RPF1: variants seen among roughly 807,000 people sequenced by gnomAD.
RPF1 encodes ribosome production factor 1 homolog, also known as ribosome production factor 1.
Under a neutral mutation model 41.9 loss-of-function variants are expected in RPF1, and 34 were observed. The observed-to-expected ratio is 0.81, with a 90% CI of 0.62 to 1.08. The LOEUF (loss-of-function observed/expected upper bound fraction) is 1.08. RPF1 is among the 50% of genes least tolerant of loss of function. The pLI, the probability that RPF1 is intolerant of heterozygous loss-of-function variation, is 0.00. For synonymous variants in RPF1, 140 were observed against 148.9 expected (o/e 0.94, Z 0.43); for missense variants, 425 against 435.2 (o/e 0.98, Z 0.21).
At chr1:84,481,815 A>G (rs1032348499) in intron 2 of RPF1, among the ~76,000 whole-genome samples, 8 of 152,222 alleles carry the variant, frequency 5.3e-5, no homozygotes, top group African/African-American at 1.9e-4. Flanking sequence ...TCCGCCTCCC[A>G]TTCAAGTAAG....
intron 5 of RPF1, 118 bp from the exon 6 acceptor site, chr1:84,495,255 A>C (rs1308177611): frequency 6.3e-6 from 4 of 636,768 alleles, no homozygotes; most frequent in East Asian, 5.8e-5. Flanking sequence ...GAATATGTAC[A>C]TCTGCCTATT....
intron 3 of RPF1, 111 bp downstream of exon 3, chr1:84,483,106 T>G (rs527869998): frequency 1.6e-6 from 1 of 621,602 alleles, no homozygotes; most frequent in Admixed American, 2.5e-5. Context: ...AATGGACTGA[T>G]TCAGCTAAAA....
Position 84,479,299 on chromosome 1 carries a change from T to G in RPF1, c.18T>G (p.Asp6Glu). 1 of 1,604,612 alleles carries G rather than the reference T, an allele frequency of 6.2e-7. No individual in the cohort carries two copies. Among genetic ancestry groups the G allele is most frequent in the Non-Finnish European group, 8.5e-7 (1 of 1,175,502 alleles). ...CCAAGACCATGGCGAAAGCCGGGGA[T>G]AAGAGCAGCAGCAGCGGGAAGAAAA... The part of the protein sequence containing the change: MAKAG[D>E]KSSSSGKKSL... The change falls in exon 1 of 9, where the codon GAT becomes GAG. Residue 6 changes from aspartate (D) to glutamate (E), a missense_variant. By Grantham distance (45) the Asp-to-Glu change is conservative. Coordinates refer to ENST00000370654, the MANE Select transcript of RPF1 (RefSeq NM_025065.7).
intron 5 of RPF1, among the ~76,000 whole-genome samples, chr1:84,494,828 CTAAG>C (rs1028087574): frequency 5.9e-5 from 9 of 152,184 alleles, no homozygotes; most frequent in Middle Eastern, 3.4e-3. Context: ...TACAGTAATC[CTAAG>C]TAAGGGGTGA....
At chr1:84,487,408 C>T (rs1681755377) in intron 3 of RPF1, among the ~76,000 whole-genome samples, 1 of 152,076 alleles carries the variant, frequency 6.6e-6, no homozygotes, top group South Asian at 2.1e-4. Flanking sequence ...AAGTTGTTTT[C>T]TTTAGAGATA....
At chr1:84,489,560 G>C in intron 3 of RPF1, 73 bp from the exon 4 acceptor site, 1 of 826,594 alleles carries the variant, frequency 1.2e-6, no homozygotes. Context: ...CAGTCCTGCT[G>C]ATGCTACTTT....
In RPF1 at chr1:84,497,531, A is replaced by G. The variant is rs1681964200; in HGVS notation, c.*61A>G. 8.0e-7 allele frequency: 1 copy of G among 1,255,480 alleles called. No individual in the cohort carries two copies. The allele number at this position is 1,255,480 out of a possible 1,614,324, so 77.8% of individuals were successfully genotyped here. ...GGCCTATCTTGAACTTTGGTAAATT[A>G]TTTTTGACAGAATACTCTTTTCAAA... On this transcript the variant is annotated 3_prime_UTR_variant, in exon 9 of 9. Coordinates refer to ENST00000370654, the MANE Select transcript of RPF1 (RefSeq NM_025065.7).
chr1:84,493,332 C>CAAAAAA (rs376130673), intron 5 of RPF1, among the ~76,000 whole-genome samples: 1 of 104,102 alleles, frequency 9.6e-6, no homozygotes, highest in East Asian at 3.0e-4. Flanking sequence ...GCACTACTAT[C>CAAAAAA]AAAAAAAAAA....
chr1:84,495,964 G>T lies in RPF1; in HGVS notation c.782G>T (p.Arg261Leu). 1 of 1,609,182 alleles carries T rather than the reference G, an allele frequency of 6.2e-7. No homozygotes were observed. Among genetic ancestry groups the T allele is most frequent in the East Asian group, 2.2e-5 (1 of 44,838 alleles). Residue 261 changes from arginine (R) to leucine (L), a missense_variant, in exon 7 of 9, where the codon CGT becomes CTT. Physicochemically the swap from Arg to Leu is moderately radical, Grantham distance 102. Transcript: ENST00000370654. Reference protein sequence around the residue: ...FTTRLGHSIGRMFASLFPHNP... With the variant: ...FTTRLGHSIGLMFASLFPHNP... ...ACACGGCTGGGTCATTCAATTGGAC[G>T]TATGTTTGCATCTCTCTTTCCTCAT...
intron 4 of RPF1, 84 bp downstream of exon 4, chr1:84,489,812 C>A: frequency 2.6e-6 from 2 of 769,036 alleles, no homozygotes. Flanking sequence ...AAGAGTTAAA[C>A]CATTAGTTAA....
chr1:84,479,559 T>C, intron 1 of RPF1, 50 bp downstream of exon 1: 1 of 1,561,684 alleles, frequency 6.4e-7, no homozygotes, highest in African/African-American at 1.4e-5. Flanking sequence ...TTCCTGACGC[T>C]TAGGGCGGTC....
intron 3 of RPF1, among the ~76,000 whole-genome samples, chr1:84,489,114 T>C (rs1343823753): frequency 1.3e-5 from 2 of 152,192 alleles, no homozygotes; most frequent in East Asian, 3.8e-4. Context: ...TCTGTATTTA[T>C]TGATTTGCTC....
At chr1:84,491,324 A>G (rs1681831824) in intron 5 of RPF1, among the ~76,000 whole-genome samples, 1 of 152,208 alleles carries the variant, frequency 6.6e-6, no homozygotes, top group African/African-American at 2.4e-5. Context: ...TTAAAATAAA[A>G]TTATAAAGAA....
At chr1:84,491,873 T>G (rs1215987456) in intron 5 of RPF1, among the ~76,000 whole-genome samples, 1 of 152,182 alleles carries the variant, frequency 6.6e-6, no homozygotes, top group Non-Finnish European at 1.5e-5. Context: ...AAAGTTTACA[T>G]TTTCTGGCCG....
chr1:84,494,755 C>T (rs2101887572), intron 5 of RPF1, among the ~76,000 whole-genome samples: 1 of 152,292 alleles, frequency 6.6e-6, no homozygotes, highest in East Asian at 1.9e-4. Context: ...GCATAATTCT[C>T]AGTTCATGGG....
intron 3 of RPF1, among the ~76,000 whole-genome samples, chr1:84,485,608 T>C (rs1681722833): frequency 6.6e-6 from 1 of 152,198 alleles, no homozygotes; most frequent in African/African-American, 2.4e-5. Flanking sequence ...TTATGTTAAG[T>C]CCTTTTTCAG....
chr1:84,490,476 T>C lies in RPF1; in HGVS notation c.616+4T>C. 1 of 1,555,130 alleles carries C rather than the reference T, an allele frequency of 6.4e-7. No individual in the cohort carries two copies. Among genetic ancestry groups the C allele is most frequent in the Admixed American group, 2.0e-5 (1 of 49,536 alleles). ...AATGAAGATCGTAAAACCCCAAGTA[T>C]CCTTTTTTTTTTTAAGGAGGTTTTC... is the stretch of plus-strand genomic sequence containing the variant. On this transcript the variant is annotated splice_donor_region_variant and intron_variant, in intron 5 of 8. Coordinates refer to ENST00000370654, the MANE Select transcript of RPF1 (RefSeq NM_025065.7).
intron 2 of RPF1, among the ~76,000 whole-genome samples, chr1:84,482,648 C>T (rs540161599): frequency 2.0e-5 from 3 of 149,882 alleles, no homozygotes; most frequent in African/African-American, 7.4e-5. Context: ...TCTATTTCTT[C>T]TCCTTGTTAC....
At chr1:84,494,088 G>A (rs1392097631) in intron 5 of RPF1, among the ~76,000 whole-genome samples, 5 of 152,160 alleles carry the variant, frequency 3.3e-5, no homozygotes, top group African/African-American at 9.7e-5. Flanking sequence ...CCCATAGCTG[G>A]TTACTTATAG....
Sources: allele counts gnomAD v4.1 joint callset (sites outside exome capture counted in the v4.1 genomes callset), GRCh38; gene constraint gnomAD v4.1.1; transcripts MANE v1.5; gene names NCBI Gene and HGNC (gene_info 2026-07-23, HGNC 2026-07-21).